ZDHHC8: variants seen among roughly 807,000 people sequenced by gnomAD.
ZDHHC8 encodes the protein zDHHC palmitoyltransferase 8.
In ZDHHC8, 24 loss-of-function variants were observed where a neutral mutation model predicts 61.2. That is an observed-to-expected ratio of 0.39 (90% confidence interval 0.28 to 0.55). ZDHHC8 has a LOEUF of 0.55. Among genes scored for constraint, ZDHHC8 ranks in the 20% least tolerant of loss-of-function variants. The probability of loss-of-function intolerance (pLI) is 0.60; values close to 1 mark genes in which losing one functional copy is unlikely to be tolerated. For synonymous variants in ZDHHC8, 523 were observed against 492.5 expected (o/e 1.06, Z -0.82); for missense variants, 935 against 1,102.1 (o/e 0.85, Z 2.15).
chr22:20,132,061 C>A lies in ZDHHC8; in HGVS notation c.104+10C>A. 6.2e-6 allele frequency: 8 copies of A among 1,289,072 alleles called. No individual in the cohort carries two copies. Among genetic ancestry groups the A allele is most frequent in the Non-Finnish European group, 8.0e-6 (8 of 1,000,196 alleles). The allele number at this position is 1,289,072 out of a possible 1,614,324, so 79.9% of individuals were successfully genotyped here. On this transcript the variant is annotated intron_variant, in intron 1 of 10. Coordinates refer to ENST00000334554, the MANE Select transcript of ZDHHC8 (RefSeq NM_013373.4). ...TCTTCTTCGTGTTCACGTGAGTCGG[C>A]GCCGCGTCTGGGGGCACGCGGGCAG...
In ZDHHC8 at chr22:20,147,168, C is replaced by G. The variant is rs5992514; in HGVS notation, c.*1768C>G. 1 of 1,529,640 alleles carries G rather than the reference C, an allele frequency of 6.5e-7. No homozygotes were observed. The highest frequency in any genetic ancestry group is 1.4e-5 in the African/African-American group (1 of 71,506). 94.8% of individuals were successfully genotyped at this position (1,529,640 alleles called of 1,614,324 possible). ...GCCAGGCCGCCGGGGCACCCCCACG[C>G]GGGGCCATGTGCCGCCTGCACTTGG... is the stretch of plus-strand genomic sequence containing the variant. On this transcript the variant is annotated 3_prime_UTR_variant, in exon 11 of 11. Transcript: ENST00000334554.
intron 2 of ZDHHC8, 42 bp downstream of exon 2, chr22:20,139,357 A>T: frequency 1.2e-6 from 2 of 1,607,732 alleles, no homozygotes; most frequent in Non-Finnish European, 1.7e-6. Context: ...CTTTCACTAG[A>T]GTGTGAGTGG....
chr22:20,142,797 C>G lies in ZDHHC8; in HGVS notation c.1167C>G (p.Ile389Met), dbSNP rs1241443252. Residue 389 changes from isoleucine to methionine, a missense_variant, in exon 10 of 11, where the codon ATC becomes ATG. This residue lies in a region of ZDHHC8 where 692 missense variants were observed against 731.4 expected (regional missense o/e 0.95). Transcript: ENST00000334554. ...CCCTGACCCTGGGGGACGACAGCAT[C>G]CGTAGCCTGGACTTTGTGTCCGAGC... Reference protein sequence around the residue: ...PDSLTLGDDSIRSLDFVSEPS... With the variant: ...PDSLTLGDDSMRSLDFVSEPS... 4 of 1,612,606 alleles carry G rather than the reference C, an allele frequency of 2.5e-6. No homozygotes were observed. The highest frequency in any genetic ancestry group is 3.3e-5 in the Admixed American group (2 of 59,984).
rs140879854 is a variant in ZDHHC8 at position 20,145,651 on chromosome 22, C to G, written c.*251C>G. The stretch of plus-strand genomic sequence containing the variant: ...TGGGCTGGTCTGTGTCTGGGCCTGT[C>G]CCATGGCTGGGGCAGTGAGGGGGCC... On this transcript the variant is annotated 3_prime_UTR_variant, in exon 11 of 11. Coordinates refer to ENST00000334554, the MANE Select transcript of ZDHHC8 (RefSeq NM_013373.4). 1 of 1,139,122 alleles carries G rather than the reference C, an allele frequency of 8.8e-7. No homozygotes were observed. The highest frequency in any genetic ancestry group is 1.1e-6 in the Non-Finnish European group (1 of 927,954). The allele number at this position is 1,139,122 out of a possible 1,614,324, so 70.6% of individuals were successfully genotyped here.
rs372603494 is a variant in ZDHHC8, at chr22:20,146,251, C to T, written c.*851C>T. On this transcript the variant is annotated 3_prime_UTR_variant, in exon 11 of 11. Transcript: ENST00000334554. ...TCCCTGCCAAACTGGAGAACCCCAC[C>T]CCAAGGCATGCCACGTCCGCAGCCC... The T allele has an allele frequency of 2.0e-6, 2 of 985,620 alleles. No homozygotes were observed. The highest frequency in any genetic ancestry group is 9.4e-5 in the South Asian group (2 of 21,284). The allele number at this position is 985,620 out of a possible 1,614,324, so 61.1% of individuals were successfully genotyped here. A position where few individuals can be genotyped will look rare whatever the true frequency, so the allele number is the denominator to read the frequency against.
chr22:20,136,629 TGGTG>T (rs980014538), intron 1 of ZDHHC8, among the ~76,000 whole-genome samples: 2 of 152,052 alleles, frequency 1.3e-5, no homozygotes, highest in African/African-American at 4.8e-5. Flanking sequence ...ACATAGGTCT[TGGTG>T]GGTGAGTGAT....
Position 20,147,448 on chromosome 22 carries a change from C to G in ZDHHC8, c.*2048C>G. ...CTGCTGCAGGGGGTCCAGCACCCCA[C>G]AGGGGGGCAGTCCCAGAGCTGTGGG... On this transcript the variant is annotated 3_prime_UTR_variant, in exon 11 of 11. Transcript: ENST00000334554. The G allele has an allele frequency of 2.1e-6, 1 of 470,938 alleles. No individual in the cohort carries two copies. The highest frequency in any genetic ancestry group is 3.6e-6 in the Non-Finnish European group (1 of 276,092). 29.2% of individuals were successfully genotyped at this position (470,938 alleles called of 1,614,324 possible).
At position 20,141,493 on chromosome 22, in the gene ZDHHC8, C is replaced by T. The variant is rs762726348; in HGVS notation, c.1088C>T (p.Thr363Met). The T allele has an allele frequency of 1.8e-5, 29 of 1,612,982 alleles. No homozygotes were observed. Among genetic ancestry groups the T allele is most frequent in the East Asian group, 2.2e-5 (1 of 44,898 alleles). The change falls in exon 9 of 11, where the codon ACG becomes ATG. Residue 363 changes from threonine to methionine, a missense_variant. Around this residue, in one of 3 missense-constraint regions of ZDHHC8, gnomAD observed 692 missense variants for 731.4 expected, o/e 0.95. Transcript: ENST00000334554. The part of the protein sequence containing the change: ...AMYKFRPAFP[T>M]GPKVPFCGPG... Reference sequence around the variant, plus strand: ...TACAAGTTTAGGCCGGCTTTCCCCACGGGTCCCAAGGTGCCCTTCTGTGGA... The same window carrying T: ...TACAAGTTTAGGCCGGCTTTCCCCATGGGTCCCAAGGTGCCCTTCTGTGGA...
Position 20,147,445 on chromosome 22 carries a change from C to T in ZDHHC8, c.*2045C>T. On this transcript the variant is annotated 3_prime_UTR_variant, in exon 11 of 11. Coordinates refer to ENST00000334554, the MANE Select transcript of ZDHHC8 (RefSeq NM_013373.4). The stretch of plus-strand genomic sequence containing the variant: ...CACCTGCTGCAGGGGGTCCAGCACC[C>T]CACAGGGGGGCAGTCCCAGAGCTGT... 1 of 482,176 alleles carries T rather than the reference C, an allele frequency of 2.1e-6. No individual in the cohort carries two copies. Among genetic ancestry groups the T allele is most frequent in the Non-Finnish European group, 3.5e-6 (1 of 284,330 alleles). The allele number at this position is 482,176 out of a possible 1,614,324, so 29.9% of individuals were successfully genotyped here. A position where few individuals can be genotyped will look rare whatever the true frequency, so the allele number is the denominator to read the frequency against.
At chr22:20,144,572 AG>A (rs1375278817) in intron 10 of ZDHHC8, among the ~76,000 whole-genome samples, 1 of 152,208 alleles carries the variant, frequency 6.6e-6, no homozygotes, top group African/African-American at 2.4e-5. Context: ...TTGGCCACAA[AG>A]GGGCTGAGGG....
At chr22:20,135,148 G>A (rs982981906) in intron 1 of ZDHHC8, among the ~76,000 whole-genome samples, 6 of 151,686 alleles carry the variant, frequency 4.0e-5, no homozygotes, top group Non-Finnish European at 7.4e-5. Context: ...ATGGGGTCTC[G>A]CTATGTTGCC....
Position 20,132,173 on chromosome 22 carries a change from G to A in ZDHHC8, c.104+122G>A, listed in dbSNP as rs1321679497. ...CCGGGCAGTGGGCGGGCGGGGCGCC[G>A]GCTGCAGGCGATGGCAGTCCCTCTC... On this transcript the variant is annotated intron_variant, in intron 1 of 10. Coordinates refer to ENST00000334554, the MANE Select transcript of ZDHHC8 (RefSeq NM_013373.4). The A allele has an allele frequency of 2.7e-5, 13 of 478,098 alleles. No individual in the cohort carries two copies. The South Asian group carries it at 4.6e-4, about 17-fold the overall frequency. The allele number at this position is 478,098 out of a possible 1,614,324, so 29.6% of individuals were successfully genotyped here.
rs1213079635 is a variant in ZDHHC8 at position 20,131,995 on chromosome 22, G to A, written c.48G>A (p.Pro16=). The A allele has an allele frequency of 1.5e-6, 2 of 1,377,186 alleles. No individual in the cohort carries two copies. The highest frequency in any genetic ancestry group is 1.3e-5 in the South Asian group (1 of 74,270). 85.3% of individuals were successfully genotyped at this position (1,377,186 alleles called of 1,614,324 possible). ...GTRLKPAKYI[P]VATAAALLVG... ...GCCTCAAACCCGCCAAGTACATCCC[G>A]GTGGCCACGGCCGCCGCGCTGCTGG... is the stretch of plus-strand genomic sequence containing the variant. The change falls in exon 1 of 11, where the codon CCG becomes CCA. Residue 16 remains proline, a synonymous_variant. Transcript: ENST00000334554.
intron 1 of ZDHHC8, among the ~76,000 whole-genome samples, chr22:20,134,480 T>G (rs774357391): frequency 2.2e-4 from 34 of 152,226 alleles, no homozygotes; most frequent in Non-Finnish European, 8.8e-5. Context: ...GTCTACCCGT[T>G]GCCCCACCTC....
At chr22:20,133,068 GC>G (rs918671952) in intron 1 of ZDHHC8, among the ~76,000 whole-genome samples, 13 of 152,350 alleles carry the variant, frequency 8.5e-5, no homozygotes, top group African/African-American at 2.6e-4. Flanking sequence ...AGTTTGGGGG[GC>G]CCCCACGTGC....
intron 1 of ZDHHC8, among the ~76,000 whole-genome samples, chr22:20,136,136 C>T (rs2050418098): frequency 6.6e-6 from 1 of 152,232 alleles, no homozygotes; most frequent in Non-Finnish European, 1.5e-5. Flanking sequence ...CCACCCGTAG[C>T]TTGGCTGGAG....
rs1002270048 is a variant in ZDHHC8 at position 20,147,456 on chromosome 22, C to T, written c.*2056C>T. On this transcript the variant is annotated 3_prime_UTR_variant, in exon 11 of 11. Transcript: ENST00000334554. ...GGGGGTCCAGCACCCCACAGGGGGG[C>T]AGTCCCAGAGCTGTGGGGACCGGCA... 1.1e-5 allele frequency: 5 copies of T among 455,912 alleles called. No homozygotes were observed. The highest frequency in any genetic ancestry group is 8.7e-5 in the Admixed American group (2 of 23,006). The allele number at this position is 455,912 out of a possible 1,614,324, so 28.2% of individuals were successfully genotyped here.
chr22:20,145,087 G>C (rs2050508842), intron 10 of ZDHHC8, 142 bp from the exon 11 acceptor site: 2 of 620,656 alleles, frequency 3.2e-6, no homozygotes, highest in East Asian at 3.1e-5. Flanking sequence ...CAAGCCCAGA[G>C]GGCAGGGACT....
Position 20,147,417 on chromosome 22 carries a change from C to A in ZDHHC8, c.*2017C>A. Reference sequence around the variant, plus strand: ...TGTGTCCACATGACCTCAGGGAGTCCCCCACCTGCTGCAGGGGGTCCAGCA... The same window carrying A: ...TGTGTCCACATGACCTCAGGGAGTCACCCACCTGCTGCAGGGGGTCCAGCA... On this transcript the variant is annotated 3_prime_UTR_variant, in exon 11 of 11. Transcript: ENST00000334554. The A allele has an allele frequency of 1.8e-6, 1 of 567,162 alleles. No individual in the cohort carries two copies. Among genetic ancestry groups the A allele is most frequent in the Admixed American group, 4.1e-5 (1 of 24,176 alleles). 35.1% of individuals were successfully genotyped at this position (567,162 alleles called of 1,614,324 possible).
Sources: gnomAD v4.1 joint callset for allele counts (sites outside exome capture counted in the v4.1 genomes callset) on GRCh38, gnomAD v4.1.1 for gene constraint, gnomAD v4.1.1 regional missense constraint, MANE v1.5 for transcripts, NCBI Gene and HGNC (gene_info 2026-07-23, HGNC 2026-07-21) for gene names.